Variants in B3GAT2 observed in about 807,000 individuals in gnomAD.
B3GAT2 encodes the protein galactosylgalactosylxylosylprotein 3-beta-glucuronosyltransferase 2.
B3GAT2 carries 26 observed loss-of-function variants against 27.8 expected under a neutral mutation model. That is an observed-to-expected ratio of 0.93 (90% confidence interval 0.68 to 1.30). The LOEUF is 1.30. B3GAT2 is among the 50% of genes most tolerant of loss of function. The pLI is 0.00. For synonymous variants in B3GAT2, 218 were observed against 195.1 expected (o/e 1.12, Z -0.98); for missense variants, 458 against 459.0 (o/e 1.00, Z 0.02).
chr6:70,912,202 T>C (rs1772699418), intron 1 of B3GAT2, among the ~76,000 whole-genome samples: 1 of 152,128 alleles, frequency 6.6e-6, no homozygotes, highest in Non-Finnish European at 1.5e-5. Context: ...ATCCTTGTCT[T>C]ATTCCACAAG....
chr6:70,899,373 C>T (rs1320772889), intron 1 of B3GAT2, among the ~76,000 whole-genome samples: 1 of 152,190 alleles, frequency 6.6e-6, no homozygotes, highest in Non-Finnish European at 1.5e-5. Context: ...GCATGCATTC[C>T]TGTGCCAATT....
intron 2 of B3GAT2, among the ~76,000 whole-genome samples, chr6:70,879,757 T>G (rs901313132): frequency 1.3e-5 from 2 of 151,966 alleles, no homozygotes; most frequent in Non-Finnish European, 2.9e-5. Flanking sequence ...TGAAGGATGG[T>G]GTGGGAGAGG....
chr6:70,906,570 G>A (rs1417428315), intron 1 of B3GAT2, among the ~76,000 whole-genome samples: 2 of 151,940 alleles, frequency 1.3e-5, no homozygotes, highest in Non-Finnish European at 2.9e-5. Flanking sequence ...AAACTCCTGG[G>A]CTCAAGCAAT....
chr6:70,944,276 G>C (rs923386367), intron 1 of B3GAT2, among the ~76,000 whole-genome samples: 2 of 152,170 alleles, frequency 1.3e-5, no homozygotes, highest in African/African-American at 4.8e-5. Flanking sequence ...GCGAGGCATT[G>C]CCTCACTCGG....
At position 70,857,955 on chromosome 6, in the gene B3GAT2, C is replaced by T. The variant is rs553333443; in HGVS notation, c.*3708G>A. 3.5e-5 allele frequency: 57 copies of T among 1,613,950 alleles called. No homozygotes were observed. The highest frequency in any genetic ancestry group is 4.5e-5 in the Non-Finnish European group (53 of 1,180,006). On this transcript the variant is annotated 3_prime_UTR_variant, in exon 4 of 4. Transcript: ENST00000230053. ...ATGGGACCCACAAATATACCATTTA[C>T]CTCACAAGCACCAGCTGCATTTCAG...
At chr6:70,895,723 A>C (rs1026967534) in intron 1 of B3GAT2, among the ~76,000 whole-genome samples, 1 of 152,056 alleles carries the variant, frequency 6.6e-6, no homozygotes, top group Non-Finnish European at 1.5e-5. Context: ...TGAGGTTCTC[A>C]CTGCATTGGT....
chr6:70,944,096 C>T (rs895166769), intron 1 of B3GAT2, among the ~76,000 whole-genome samples: 3 of 152,114 alleles, frequency 2.0e-5, no homozygotes, highest in Non-Finnish European at 4.4e-5. Flanking sequence ...AGCTGGCAGC[C>T]ACGATGGCCA....
chr6:70,955,731 G>C, intron 1 of B3GAT2, 108 bp downstream of exon 1: 1 of 1,284,516 alleles, frequency 7.8e-7, no homozygotes, highest in Non-Finnish European at 1.0e-6. Flanking sequence ...ACGGAGAACT[G>C]AGAACTCAAA....
At chr6:70,867,312 T>C (rs1385649898) in intron 2 of B3GAT2, among the ~76,000 whole-genome samples, 1 of 151,908 alleles carries the variant, frequency 6.6e-6, no homozygotes, top group Non-Finnish European at 1.5e-5. Flanking sequence ...AAAACGACTA[T>C]ACTAATAGAT....
rs112265105 is a variant in B3GAT2, at chr6:70,906,181, C to G, written c.592-11909G>C. ...AACGATCTATCTCCTATTCTTCTCA[C>G]GGAGAATGGGGGAAAAGAAGTCTCT... is the stretch of plus-strand genomic sequence containing the variant. On this transcript the variant is annotated intron_variant, in intron 1 of 3. Transcript: ENST00000230053. Among the ~76,000 whole-genome samples the G allele has an allele frequency of 4.4e-3, 668 of 152,248 alleles. 8 individuals are homozygous for G. The highest frequency in any genetic ancestry group is 0.015 in the African/African-American group (633 of 41,534).
rs372729321 is a variant in B3GAT2, at chr6:70,856,752, A to G, written c.*4911T>C. The G allele has an allele frequency of 2.8e-4, 334 of 1,177,642 alleles. 7 individuals are homozygous for G. The South Asian group carries it at 5.8e-3, about 20-fold the overall frequency. The allele number at this position is 1,177,642 out of a possible 1,614,324, so 72.9% of individuals were successfully genotyped here. On this transcript the variant is annotated 3_prime_UTR_variant, in exon 4 of 4. Coordinates refer to ENST00000230053, the MANE Select transcript of B3GAT2 (RefSeq NM_080742.3). Reference sequence around the variant, plus strand: ...GAATGGCACCATTTTACCTTCTACAATTGTTTGATTCCTATCTAATTTTAT... The same window carrying G: ...GAATGGCACCATTTTACCTTCTACAGTTGTTTGATTCCTATCTAATTTTAT...
At chr6:70,916,576 A>T (rs1452111452) in intron 1 of B3GAT2, among the ~76,000 whole-genome samples, 5 of 152,098 alleles carry the variant, frequency 3.3e-5, no homozygotes, top group Non-Finnish European at 7.4e-5. Flanking sequence ...TTCTATCAAT[A>T]CCTAGTTTAT....
chr6:70,892,434 G>A (rs990584240), intron 2 of B3GAT2, among the ~76,000 whole-genome samples: 3 of 152,232 alleles, frequency 2.0e-5, no homozygotes, highest in East Asian at 1.9e-4. Flanking sequence ...CACCTTGCAT[G>A]ATCCATGCAA....
intron 1 of B3GAT2, among the ~76,000 whole-genome samples, chr6:70,928,569 T>C (rs942665552): frequency 6.6e-6 from 1 of 152,122 alleles, no homozygotes; most frequent in African/African-American, 2.4e-5. Context: ...TCTACACAAA[T>C]AAATTAGAAA....
intron 1 of B3GAT2, among the ~76,000 whole-genome samples, chr6:70,948,269 T>C (rs1489389782): frequency 6.8e-6 from 1 of 147,110 alleles, no homozygotes; most frequent in Non-Finnish European, 1.5e-5. Flanking sequence ...GGTATTCAAT[T>C]AGGAAAAGAG....
At position 70,947,377 on chromosome 6, in the gene B3GAT2, C is replaced by CA. The variant is rs370664617; in HGVS notation, c.591+8461dup. Reference sequence around the variant, plus strand: ...AAAAGAGAGAAAAATCAAATAGACACAAAAAAAATGATAAAGGGGATATCA... The same window carrying CA: ...AAAAGAGAGAAAAATCAAATAGACACAAAAAAAAATGATAAAGGGGATATCA... On this transcript the variant is annotated intron_variant, in intron 1 of 3. Transcript: ENST00000230053. Among the ~76,000 whole-genome samples, 426 of 151,646 alleles carry CA rather than the reference C, an allele frequency of 2.8e-3. 1 individual carries two copies. The highest frequency in any genetic ancestry group is 4.7e-3 in the Non-Finnish European group (318 of 67,888).
chr6:70,879,884 T>C (rs1772072617), intron 2 of B3GAT2, among the ~76,000 whole-genome samples: 1 of 152,028 alleles, frequency 6.6e-6, no homozygotes, highest in South Asian at 2.1e-4. Flanking sequence ...GGAAAATAAC[T>C]TGAGCGAGGC....
chr6:70,882,101 A>G (rs1393090445), intron 2 of B3GAT2, among the ~76,000 whole-genome samples: 1 of 152,224 alleles, frequency 6.6e-6, no homozygotes, highest in Non-Finnish European at 1.5e-5. Flanking sequence ...GACTAAAGCT[A>G]AAGAACTCAA....
chr6:70,881,283 C>T (rs1772095389), intron 2 of B3GAT2, among the ~76,000 whole-genome samples: 1 of 152,168 alleles, frequency 6.6e-6, no homozygotes, highest in Admixed American at 6.5e-5. Flanking sequence ...GCTGCTGGCT[C>T]TTGTTTTATG....
Sources: allele counts gnomAD v4.1 joint callset (sites outside exome capture counted in the v4.1 genomes callset), GRCh38; gene constraint gnomAD v4.1.1; transcripts MANE v1.5; gene names NCBI Gene and HGNC (gene_info 2026-07-23, HGNC 2026-07-21).